Variants in CXXC5 observed in about 807,000 individuals in gnomAD.
The protein encoded by CXXC5 is CXXC finger protein 5, also known as CXXC-type zinc finger protein 5.
A neutral mutation model predicts 17.6 loss-of-function variants in CXXC5; 2 were observed. The ratio of observed to expected loss-of-function variants is 0.11; its 90% CI spans 0.05 to 0.36. The LOEUF is 0.36. CXXC5 is among the 10% of genes least tolerant of loss of function. CXXC5 has a pLI of 1.00. For missense variants in CXXC5, 343 were observed against 458.3 expected (o/e 0.75, Z 2.30); for synonymous variants, 171 against 193.0 (o/e 0.89, Z 0.94).
rs531054713 is a variant in CXXC5 at position 139,663,881 on chromosome 5, G to T, written c.-161+15036G>T. Among the ~76,000 whole-genome samples, 31 of 152,332 alleles carry T rather than the reference G, an allele frequency of 2.0e-4. No homozygotes were observed. The highest frequency in any genetic ancestry group is 6.7e-4 in the African/African-American group (28 of 41,576). On this transcript the variant is annotated intron_variant, in intron 1 of 2. Coordinates refer to ENST00000302517, the MANE Select transcript of CXXC5 (RefSeq NM_016463.9). The surrounding 1 kb of genome is among the most constrained non-coding windows in gnomAD (Gnocchi z 4.2). ...AGCGGCTGCATTTCACTGGCTAGGG[G>T]TTGGGCTCAGCGAGGGTCAGCAACC... is the stretch of plus-strand genomic sequence containing the variant.
chr5:139,681,215 C>T lies in CXXC5; in HGVS notation c.692C>T (p.Ala231Val). The stretch of plus-strand genomic sequence containing the variant: ...ATGACCCCGGCAGGTGTGTTCCTGG[C>T]CGAGAGCGCGCTGCACATGGCGGGC... The part of the protein sequence containing the change: ...FIMTPAGVFL[A>V]ESALHMAGLA... Residue 231 changes from alanine (A) to valine (V), a missense_variant, in exon 2 of 3, where the codon GCC becomes GTC. This residue lies in a region of CXXC5 where 297 missense variants were observed against 363.4 expected (regional missense o/e 0.82). Transcript: ENST00000302517. The T allele has an allele frequency of 6.2e-7, 1 of 1,612,630 alleles. No homozygotes were observed. The highest frequency in any genetic ancestry group is 1.1e-5 in the South Asian group (1 of 91,026).
intron 1 of CXXC5, among the ~76,000 whole-genome samples, chr5:139,653,538 GA>G (rs1288264920): frequency 2.0e-5 from 3 of 152,150 alleles, no homozygotes; most frequent in Non-Finnish European, 4.4e-5. Flanking sequence ...TTCCCTGGGG[GA>G]GGATTCCCAG....
chr5:139,659,865 T>A (rs1345114563), intron 1 of CXXC5, among the ~76,000 whole-genome samples: 1 of 152,198 alleles, frequency 6.6e-6, no homozygotes, highest in Non-Finnish European at 1.5e-5. Flanking sequence ...TGGTTGGCTC[T>A]GGCCCCCTCC....
intron 1 of CXXC5, among the ~76,000 whole-genome samples, chr5:139,649,964 CTTTG>C (rs919200987): frequency 2.6e-5 from 4 of 152,228 alleles, no homozygotes; most frequent in Non-Finnish European, 4.4e-5. Flanking sequence ...GTGCGCCTGG[CTTTG>C]TTTATTTGTA....
chr5:139,661,195 C>T lies in CXXC5; in HGVS notation c.-161+12350C>T, dbSNP rs1228200043. On this transcript the variant is annotated intron_variant, in intron 1 of 2. Coordinates refer to ENST00000302517, the MANE Select transcript of CXXC5 (RefSeq NM_016463.9). The surrounding 1 kb of genome is among the most constrained non-coding windows in gnomAD (Gnocchi z 4.7). The stretch of plus-strand genomic sequence containing the variant: ...GCCCGCGCCGCCCCCCCACCTCTTG[C>T]GCTGTCGGCCATCAGCCCAGCAGAG... Among the ~76,000 whole-genome samples, 4 of 152,216 alleles carry T rather than the reference C, an allele frequency of 2.6e-5. No individual in the cohort carries two copies. The highest frequency in any genetic ancestry group is 6.5e-5 in the Admixed American group (1 of 15,292).
At chr5:139,659,837 A>C (rs1247308729) in intron 1 of CXXC5, among the ~76,000 whole-genome samples, 1 of 151,606 alleles carries the variant, frequency 6.6e-6, no homozygotes, top group Non-Finnish European at 1.5e-5. Context: ...GCTTTCTCCC[A>C]CTGCCCACCG....
Position 139,670,233 on chromosome 5 carries a change from C to T in CXXC5, c.-160-10131C>T, listed in dbSNP as rs1470039149. On this transcript the variant is annotated intron_variant, in intron 1 of 2. Transcript: ENST00000302517. The surrounding 1 kb of genome is among the most constrained non-coding windows in gnomAD (Gnocchi z 4.2). Reference sequence around the variant, plus strand: ...CCCACGCCTCTGCAGGGAGGGCCTGCGGTCTGGGGGCTTTTGTTTTCCAGT... The same window carrying T: ...CCCACGCCTCTGCAGGGAGGGCCTGTGGTCTGGGGGCTTTTGTTTTCCAGT... Among the ~76,000 whole-genome samples, 4 of 152,222 alleles carry T rather than the reference C, an allele frequency of 2.6e-5. No individual in the cohort carries two copies. Among genetic ancestry groups the T allele is most frequent in the African/African-American group, 4.8e-5 (2 of 41,462 alleles).
chr5:139,677,320 G>A (rs1302329910), intron 1 of CXXC5, among the ~76,000 whole-genome samples: 1 of 152,082 alleles, frequency 6.6e-6, no homozygotes, highest in African/African-American at 2.4e-5. Context: ...GCCCTTCCTG[G>A]CCTGGAAGGG....
At chr5:139,656,006 C>T (rs1449460935) in intron 1 of CXXC5, among the ~76,000 whole-genome samples, 2 of 152,240 alleles carry the variant, frequency 1.3e-5, no homozygotes, top group Non-Finnish European at 2.9e-5. Context: ...TGTACCCGCC[C>T]TCCTCTGTCT....
At chr5:139,682,697 C>T (rs1390090948) in intron 2 of CXXC5, among the ~76,000 whole-genome samples, 166 bp from the exon 3 acceptor site, 1 of 152,194 alleles carries the variant, frequency 6.6e-6, no homozygotes, top group Non-Finnish European at 1.5e-5. Flanking sequence ...GCAGGTCAAG[C>T]GCCTCCTTTG....
chr5:139,653,393 T>G (rs1201472961), intron 1 of CXXC5, among the ~76,000 whole-genome samples: 1 of 152,174 alleles, frequency 6.6e-6, no homozygotes, highest in Non-Finnish European at 1.5e-5. Context: ...CTGGGAAGCC[T>G]GCCCCTATGC....
In CXXC5 at chr5:139,680,298, C is replaced by T. The variant is rs1034483280; in HGVS notation, c.-160-66C>T. On this transcript the variant is annotated intron_variant, in intron 1 of 2. Transcript: ENST00000302517. ...AGGATGACAGGACCGTTGATAGTGG[C>T]GGTGGTGGCGATGTTGAAGGGGGAG... The T allele has an allele frequency of 5.3e-5, 32 of 598,700 alleles. No individual in the cohort carries two copies. In the African/African-American group the frequency reaches 5.4e-4, roughly 10 times the overall value. The allele number at this position is 598,700 out of a possible 1,614,324, so 37.1% of individuals were successfully genotyped here.
At chr5:139,656,516 G>A (rs944726901) in intron 1 of CXXC5, among the ~76,000 whole-genome samples, 1 of 152,170 alleles carries the variant, frequency 6.6e-6, no homozygotes, top group Non-Finnish European at 1.5e-5. Flanking sequence ...TTCCTTGCAG[G>A]CAGGGCCGTG....
chr5:139,655,652 T>A (rs1263225009), intron 1 of CXXC5, among the ~76,000 whole-genome samples: 1 of 151,742 alleles, frequency 6.6e-6, no homozygotes, highest in Admixed American at 6.6e-5. Flanking sequence ...TTCCTCCATT[T>A]CCCTCTTTTG....
At chr5:139,652,162 G>A (rs1242037565) in intron 1 of CXXC5, among the ~76,000 whole-genome samples, 94 of 131,822 alleles carry the variant, frequency 7.1e-4, no homozygotes, top group Non-Finnish European at 1.3e-3. Context: ...GCGCGCGCGC[G>A]CGCGCGCGCG....
At chr5:139,678,759 C>G (rs1341068260) in intron 1 of CXXC5, among the ~76,000 whole-genome samples, 2 of 152,270 alleles carry the variant, frequency 1.3e-5, no homozygotes, top group Admixed American at 6.5e-5. Flanking sequence ...GGACAAAGAT[C>G]CAGTGTGTGC....
intron 1 of CXXC5, among the ~76,000 whole-genome samples, chr5:139,672,590 G>A (rs1020080620): frequency 6.6e-6 from 1 of 152,130 alleles, no homozygotes. Context: ...GACTGATCTC[G>A]GCCTCTGGGG....
chr5:139,677,223 C>G (rs1269478579), intron 1 of CXXC5, among the ~76,000 whole-genome samples: 1 of 152,056 alleles, frequency 6.6e-6, no homozygotes, highest in Non-Finnish European at 1.5e-5. Context: ...CGCCGCCGCC[C>G]GCCTGCCCGC....
In CXXC5 at chr5:139,683,530, T is replaced by A. The variant is rs1490513337; in HGVS notation, c.*623T>A. 1 of 152,404 alleles carries A rather than the reference T, an allele frequency of 6.6e-6. No individual in the cohort carries two copies. Among genetic ancestry groups the A allele is most frequent in the Non-Finnish European group, 1.5e-5 (1 of 68,034 alleles). The allele number at this position is 152,404 out of a possible 1,614,324, so 9.4% of individuals were successfully genotyped here. A position where few individuals can be genotyped will look rare whatever the true frequency, so the allele number is the denominator to read the frequency against. Reference sequence around the variant, plus strand: ...GGAGGGAGCACCAGGCCAGCTGAGCTGCACCCACAGTCCCGAGACTGGGAT... The same window carrying A: ...GGAGGGAGCACCAGGCCAGCTGAGCAGCACCCACAGTCCCGAGACTGGGAT... On this transcript the variant is annotated 3_prime_UTR_variant, in exon 3 of 3. Coordinates refer to ENST00000302517, the MANE Select transcript of CXXC5 (RefSeq NM_016463.9).
Sources: allele counts gnomAD v4.1 joint callset (sites outside exome capture counted in the v4.1 genomes callset), GRCh38; gene constraint gnomAD v4.1.1; regional missense constraint gnomAD v4.1.1; non-coding constraint Gnocchi (gnomAD v3.1); transcripts MANE v1.5; gene names NCBI Gene and HGNC (gene_info 2026-07-23, HGNC 2026-07-21).